The following SLC24A3 variants were observed in gnomAD, a reference collection of about 807,000 sequenced individuals.
The protein encoded by SLC24A3 is solute carrier family 24 member 3, also known as sodium/potassium/calcium exchanger 3.
SLC24A3 carries 28 observed loss-of-function variants against 75.8 expected under a neutral mutation model. That is an observed-to-expected ratio of 0.37 (90% CI 0.27 to 0.51). The LOEUF (loss-of-function observed/expected upper bound fraction) is 0.51, where lower values mean the gene tolerates loss of function less well. SLC24A3 is among the 20% of genes least tolerant of loss of function. The pLI is 0.94. For synonymous variants in SLC24A3, 372 were observed against 334.1 expected (o/e 1.11, Z -1.24); for missense variants, 663 against 847.8 (o/e 0.78, Z 2.71).
In SLC24A3 at chr20:19,675,155, A is replaced by G. The variant is rs141729485; in HGVS notation, c.767+1501A>G. On this transcript the variant is annotated intron_variant, in intron 9 of 16. Transcript: ENST00000328041. ...CTGCTGGTTCATCTTTTTGCCAGGC[A>G]CCACTGGGATGAGGAGGTTATAAAG... Among the ~76,000 whole-genome samples, 490 of 152,356 alleles carry G rather than the reference A, an allele frequency of 3.2e-3. 2 individuals are homozygous for G. The highest frequency in any genetic ancestry group is 0.011 in the African/African-American group (447 of 41,588).
intron 2 of SLC24A3, among the ~76,000 whole-genome samples, chr20:19,324,957 C>T (rs749479415): frequency 6.6e-6 from 1 of 151,186 alleles, no homozygotes; most frequent in African/African-American, 2.4e-5. Context: ...AGTTGACATT[C>T]AAGAACCACA....
chr20:19,425,239 G>A (rs986117521), intron 2 of SLC24A3, among the ~76,000 whole-genome samples: 2 of 151,754 alleles, frequency 1.3e-5, no homozygotes, highest in Non-Finnish European at 2.9e-5. Flanking sequence ...GGAGGCGGAG[G>A]TTGCAGTGAG....
At chr20:19,323,664 A>G (rs950089610) in intron 2 of SLC24A3, among the ~76,000 whole-genome samples, 1 of 152,012 alleles carries the variant, frequency 6.6e-6, no homozygotes, top group African/African-American at 2.4e-5. Context: ...GGCAGTTAAT[A>G]TGGGAGGCCA....
At chr20:19,356,041 T>C (rs547118441) in intron 2 of SLC24A3, among the ~76,000 whole-genome samples, 1 of 152,136 alleles carries the variant, frequency 6.6e-6, no homozygotes, top group African/African-American at 2.4e-5. Flanking sequence ...TAAGAACCCT[T>C]GGAATTAGGA....
At chr20:19,217,839 C>T (rs1479564630) in intron 1 of SLC24A3, among the ~76,000 whole-genome samples, 2 of 152,358 alleles carry the variant, frequency 1.3e-5, no homozygotes, top group African/African-American at 2.4e-5. Flanking sequence ...TCCACCATGG[C>T]TAGTGAATTC....
chr20:19,252,236 C>A (rs565105203), intron 1 of SLC24A3, among the ~76,000 whole-genome samples: 1 of 152,206 alleles, frequency 6.6e-6, no homozygotes, highest in Non-Finnish European at 1.5e-5. Flanking sequence ...CCCAGACAAC[C>A]GTGAATTGAA....
At chr20:19,214,618 T>C (rs1226290674) in intron 1 of SLC24A3, among the ~76,000 whole-genome samples, 1 of 152,090 alleles carries the variant, frequency 6.6e-6, no homozygotes. Context: ...GTGACTCATA[T>C]AGTTAAGTCA....
At chr20:19,689,589 T>C (rs2032722076) in intron 12 of SLC24A3, among the ~76,000 whole-genome samples, 1 of 152,214 alleles carries the variant, frequency 6.6e-6, no homozygotes, top group Non-Finnish European at 1.5e-5. Flanking sequence ...CACAGATATT[T>C]ATTAAATGAA....
At chr20:19,613,674 G>A (rs2031700118) in intron 6 of SLC24A3, among the ~76,000 whole-genome samples, 2 of 152,154 alleles carry the variant, frequency 1.3e-5, no homozygotes, top group South Asian at 4.1e-4. Flanking sequence ...TTCACGCATG[G>A]CCAATGTCTC....
intron 4 of SLC24A3, among the ~76,000 whole-genome samples, chr20:19,580,426 G>C (rs2031202790): frequency 6.6e-6 from 1 of 151,880 alleles, no homozygotes. Context: ...TCTCTCCTGT[G>C]TTTCCTTCTG....
intron 2 of SLC24A3, among the ~76,000 whole-genome samples, chr20:19,404,825 C>G (rs1986613991): frequency 6.6e-6 from 1 of 152,178 alleles, no homozygotes; most frequent in Non-Finnish European, 1.5e-5. Context: ...TGGCTCTTTC[C>G]CTAATTAAGT....
At chr20:19,630,777 G>A (rs549567446) in intron 6 of SLC24A3, among the ~76,000 whole-genome samples, 1 of 152,252 alleles carries the variant, frequency 6.6e-6, no homozygotes, top group Admixed American at 6.5e-5. Context: ...AGACTACAAT[G>A]GAAAAGGACT....
chr20:19,262,766 A>G (rs529570629), intron 1 of SLC24A3, among the ~76,000 whole-genome samples: 3 of 152,324 alleles, frequency 2.0e-5, no homozygotes, highest in South Asian at 2.1e-4. Context: ...AATCCCACCC[A>G]CTTTACACTA....
intron 2 of SLC24A3, among the ~76,000 whole-genome samples, chr20:19,419,933 G>C (rs1453962988): frequency 8.3e-6 from 1 of 120,642 alleles, no homozygotes; most frequent in Non-Finnish European, 1.7e-5. Flanking sequence ...ACCCACTAAC[G>C]TGTCATCTAG....
rs1456353606 is a variant in SLC24A3 at position 19,397,549 on chromosome 20, A to G, written c.271+116462A>G. Among the ~76,000 whole-genome samples the G allele has an allele frequency of 3.9e-5, 6 of 152,124 alleles. No individual in the cohort carries two copies. In the South Asian group the frequency reaches 1.2e-3, roughly 32 times the overall value. ...ACATTTGTTGTCTTCAAAAGCAGAA[A>G]TGGTTTTTCCATATCTCTTATTTCA... On this transcript the variant is annotated intron_variant, in intron 2 of 16. Coordinates refer to ENST00000328041, the MANE Select transcript of SLC24A3 (RefSeq NM_020689.4).
intron 1 of SLC24A3, among the ~76,000 whole-genome samples, chr20:19,248,858 A>C (rs1982570110): frequency 6.6e-6 from 1 of 151,392 alleles, no homozygotes; most frequent in South Asian, 2.1e-4. Flanking sequence ...ATGAACCTAG[A>C]GGATATTGTG....
At chr20:19,378,590 G>C (rs922732520) in intron 2 of SLC24A3, among the ~76,000 whole-genome samples, 1 of 152,166 alleles carries the variant, frequency 6.6e-6, no homozygotes, top group Non-Finnish European at 1.5e-5. Flanking sequence ...AAGACACCCT[G>C]TGCTGCTGTT....
rs117215648 is a variant in SLC24A3, at chr20:19,321,143, A to G, written c.271+40056A>G. ...TTACTTTTTTGTGTGAAAGCGTTTG[A>G]CAGTAAGCTGCAGAAAGACATCATG... On this transcript the variant is annotated intron_variant, in intron 2 of 16. Transcript: ENST00000328041. 1.2e-3 allele frequency among the ~76,000 whole-genome samples: 184 copies of G among 152,220 alleles called. 1 individual carries two copies. In the East Asian group the frequency reaches 0.018, roughly 15 times the overall value.
intron 3 of SLC24A3, among the ~76,000 whole-genome samples, chr20:19,536,916 A>C (rs936170227): frequency 2.6e-5 from 4 of 152,258 alleles, no homozygotes; most frequent in Non-Finnish European, 4.4e-5. Context: ...CTAAAACCAT[A>C]AAAACCCTAG....
Sources: gnomAD v4.1 joint callset for allele counts (sites outside exome capture counted in the v4.1 genomes callset) on GRCh38, gnomAD v4.1.1 for gene constraint, MANE v1.5 for transcripts, NCBI Gene and HGNC (gene_info 2026-07-23, HGNC 2026-07-21) for gene names.